MMP16: variants seen among roughly 807,000 people sequenced by gnomAD.
The protein encoded by MMP16 is matrix metalloproteinase-16.
MMP16 carries 12 observed loss-of-function variants against 67.8 expected under a neutral mutation model. The ratio of observed to expected loss-of-function variants is 0.18; its 90% CI spans 0.11 to 0.29. The LOEUF is 0.29. MMP16 is among the 10% of genes least tolerant of loss of function. The probability of loss-of-function intolerance (pLI) is 1.00; values close to 1 mark genes in which losing one functional copy is unlikely to be tolerated. For synonymous variants in MMP16, 249 were observed against 255.9 expected (o/e 0.97, Z 0.26); for missense variants, 475 against 765.7 (o/e 0.62, Z 4.48).
At chr8:88,321,748 G>A (rs900780047) in intron 1 of MMP16, among the ~76,000 whole-genome samples, 4 of 152,080 alleles carry the variant, frequency 2.6e-5, no homozygotes, top group Admixed American at 1.3e-4. Flanking sequence ...CTAGGCTTAC[G>A]ACTATAAAAT....
intron 6 of MMP16, among the ~76,000 whole-genome samples, chr8:88,105,120 T>C (rs544966600): frequency 6.7e-6 from 1 of 148,372 alleles, no homozygotes; most frequent in East Asian, 2.0e-4. Flanking sequence ...GTGCACTACA[T>C]AGGTGTACCA....
At chr8:88,304,808 G>A (rs572623184) in intron 1 of MMP16, among the ~76,000 whole-genome samples, 1 of 152,236 alleles carries the variant, frequency 6.6e-6, no homozygotes, top group Admixed American at 6.5e-5. Flanking sequence ...CACTAAATAT[G>A]AAAAGGAAAA....
intron 1 of MMP16, among the ~76,000 whole-genome samples, chr8:88,313,161 TGTATCAGA>T (rs1811323070): frequency 6.6e-6 from 1 of 152,228 alleles, no homozygotes; most frequent in Non-Finnish European, 1.5e-5. Flanking sequence ...ATTATATGGA[TGTATCAGA>T]GTTTTGTGTA....
At chr8:88,268,755 G>A (rs1411751316) in intron 1 of MMP16, among the ~76,000 whole-genome samples, 4 of 152,146 alleles carry the variant, frequency 2.6e-5, no homozygotes, top group Non-Finnish European at 4.4e-5. Context: ...CGGATGCACT[G>A]TGTGTGTTCC....
intron 7 of MMP16, among the ~76,000 whole-genome samples, chr8:88,072,057 G>A (rs1462167806): frequency 1.3e-5 from 2 of 152,116 alleles, no homozygotes; most frequent in Non-Finnish European, 2.9e-5. Context: ...CAGATGGTAC[G>A]TGCACAAGTT....
At chr8:88,320,182 A>C (rs1563594829) in intron 1 of MMP16, among the ~76,000 whole-genome samples, 1 of 152,196 alleles carries the variant, frequency 6.6e-6, no homozygotes. Context: ...AAAAGGAAGA[A>C]TAGGTAGAAA....
At chr8:88,188,235 C>T (rs1212795594) in intron 2 of MMP16, among the ~76,000 whole-genome samples, 3 of 151,988 alleles carry the variant, frequency 2.0e-5, no homozygotes, top group Non-Finnish European at 2.9e-5. Context: ...TAATGGTGTG[C>T]CTACGATGAT....
intron 1 of MMP16, among the ~76,000 whole-genome samples, chr8:88,256,196 A>T (rs1810298054): frequency 6.6e-6 from 1 of 151,934 alleles, no homozygotes; most frequent in Non-Finnish European, 1.5e-5. Flanking sequence ...CTAAATACTT[A>T]TTTTTTTTAA....
At chr8:88,224,553 C>A (rs1221031055) in intron 1 of MMP16, among the ~76,000 whole-genome samples, 2 of 151,918 alleles carry the variant, frequency 1.3e-5, no homozygotes, top group African/African-American at 4.8e-5. Context: ...CTACTAGTTA[C>A]TACATAATTT....
chr8:88,067,692 G>C (rs1808481378), intron 7 of MMP16, among the ~76,000 whole-genome samples: 1 of 152,000 alleles, frequency 6.6e-6, no homozygotes, highest in Non-Finnish European at 1.5e-5. Flanking sequence ...TGTTTTGTCT[G>C]AATTATTTCA....
At position 88,084,330 on chromosome 8, in the gene MMP16, C is replaced by A. The variant is rs189143008; in HGVS notation, c.1084-9587G>T. The stretch of plus-strand genomic sequence containing the variant: ...AGGCCAAGTTTTTGTTAGGCCAAAT[C>A]TAATTGGGCCTTCAGACTTAACTTC... On this transcript the variant is annotated intron_variant, in intron 6 of 9. Coordinates refer to ENST00000286614, the MANE Select transcript of MMP16 (RefSeq NM_005941.5). Among the ~76,000 whole-genome samples, 83 of 152,024 alleles carry A rather than the reference C, an allele frequency of 5.5e-4. 1 individual carries two copies. The South Asian group carries it at 8.3e-3, about 15-fold the overall frequency.
intron 6 of MMP16, 85 bp from the exon 7 acceptor site, chr8:88,074,828 C>CAA: frequency 6.8e-7 from 1 of 1,471,688 alleles, no homozygotes; most frequent in Non-Finnish European, 9.2e-7. Context: ...CTTTTGAAAT[C>CAA]AAGCTGGTTT....
At chr8:88,325,310 A>C (rs1811519551) in intron 1 of MMP16, among the ~76,000 whole-genome samples, 1 of 152,166 alleles carries the variant, frequency 6.6e-6, no homozygotes, top group Non-Finnish European at 1.5e-5. Flanking sequence ...TCTAATAATC[A>C]TCAAAACTCA....
At chr8:88,184,730 G>A (rs1433952683) in intron 3 of MMP16, among the ~76,000 whole-genome samples, 3 of 97,390 alleles carry the variant, frequency 3.1e-5, no homozygotes, top group African/African-American at 1.2e-4. Flanking sequence ...CTGAGCGACA[G>A]AGTGAGGCCC....
At chr8:88,316,079 A>AAGAG (rs1421760194) in intron 1 of MMP16, among the ~76,000 whole-genome samples, 1 of 152,144 alleles carries the variant, frequency 6.6e-6, no homozygotes, top group East Asian at 1.9e-4. Flanking sequence ...AGGCTGAGAG[A>AAGAG]GGTGAGGAAG....
chr8:88,263,023 CAAAT>C (rs35062853), intron 1 of MMP16, among the ~76,000 whole-genome samples: 10 of 146,642 alleles, frequency 6.8e-5, no homozygotes, highest in East Asian at 2.0e-4. Flanking sequence ...GACTCCGTCT[CAAAT>C]AAATAAATAA....
intron 6 of MMP16, among the ~76,000 whole-genome samples, chr8:88,085,701 T>C (rs1808822691): frequency 6.6e-6 from 1 of 152,076 alleles, no homozygotes; most frequent in Admixed American, 6.6e-5. Context: ...TAGTTACCAT[T>C]TGGATTAAAA....
intron 4 of MMP16, among the ~76,000 whole-genome samples, 167 bp from the exon 5 acceptor site, chr8:88,119,028 T>C: frequency 6.6e-6 from 1 of 152,006 alleles, no homozygotes; most frequent in East Asian, 1.9e-4. Context: ...AAAAATCCAA[T>C]AACCTTTTTT....
chr8:88,225,855 C>T (rs1190415279), intron 1 of MMP16, among the ~76,000 whole-genome samples: 1 of 151,978 alleles, frequency 6.6e-6, no homozygotes, highest in African/African-American at 2.4e-5. Flanking sequence ...GTATGGGACA[C>T]TGTACCTTAT....
Sources: gnomAD v4.1 joint callset for allele counts (sites outside exome capture counted in the v4.1 genomes callset) on GRCh38, gnomAD v4.1.1 for gene constraint, MANE v1.5 for transcripts, NCBI Gene and HGNC (gene_info 2026-07-23, HGNC 2026-07-21) for gene names.